The following SLC35D4 variants were observed in gnomAD, a reference collection of about 807,000 sequenced individuals.
SLC35D4 encodes the protein solute carrier family 35 member D4.
chr18:23,419,679 G>A, the SLC35D4 span, among the ~76,000 whole-genome samples: 2 of 152,060 alleles, frequency 1.3e-5, no homozygotes, highest in African/African-American at 4.8e-5. Flanking sequence ...CCTCGTACTA[G>A]AATTTTGGAG....
the SLC35D4 span, among the ~76,000 whole-genome samples, chr18:23,416,494 C>T: frequency 6.6e-6 from 1 of 152,230 alleles, no homozygotes; most frequent in African/African-American, 2.4e-5. Flanking sequence ...AAAACAAAGC[C>T]CAGGAGGAAA....
chr18:23,357,361 T>C, the SLC35D4 span, among the ~76,000 whole-genome samples: 2 of 152,196 alleles, frequency 1.3e-5, no homozygotes, highest in Non-Finnish European at 2.9e-5. Context: ...ATCACACATA[T>C]TGGCTGCTTC....
chr18:23,271,780 A>G, the SLC35D4 span, among the ~76,000 whole-genome samples: 6 of 152,166 alleles, frequency 3.9e-5, no homozygotes, highest in Non-Finnish European at 4.4e-5. Context: ...CCAAATGGCC[A>G]TGGTTTGATC....
the SLC35D4 span, among the ~76,000 whole-genome samples, chr18:23,251,435 A>G: frequency 6.6e-6 from 1 of 152,132 alleles, no homozygotes; most frequent in Non-Finnish European, 1.5e-5. Flanking sequence ...TGGGCAACAG[A>G]GCATGACTCC....
the SLC35D4 span, among the ~76,000 whole-genome samples, chr18:23,357,851 C>A: frequency 6.6e-6 from 1 of 152,152 alleles, no homozygotes. Flanking sequence ...TGTTTAACTA[C>A]AAGGAAGGGA....
chr18:23,270,715 G>A, the SLC35D4 span, among the ~76,000 whole-genome samples: 2 of 152,218 alleles, frequency 1.3e-5, no homozygotes, highest in African/African-American at 4.8e-5. Flanking sequence ...GATTATGTGA[G>A]TAATAATAAA....
the SLC35D4 span, among the ~76,000 whole-genome samples, chr18:23,381,212 T>A: frequency 6.6e-6 from 1 of 152,246 alleles, no homozygotes; most frequent in African/African-American, 2.4e-5. Context: ...ATAGCCTTAA[T>A]AGGGATTCCT....
At chr18:23,321,113 C>A in the SLC35D4 span, among the ~76,000 whole-genome samples, 723 of 152,312 alleles carry the variant, frequency 4.7e-3, 8 homozygotes, top group African/African-American at 0.017. Flanking sequence ...AGCCTACACC[C>A]AGAATCAACA....
the SLC35D4 span, among the ~76,000 whole-genome samples, chr18:23,425,349 C>A: frequency 2.6e-5 from 4 of 152,210 alleles, no homozygotes; most frequent in Non-Finnish European, 5.9e-5. Context: ...GATCCTCCCA[C>A]CTTGGCCTCC....
the SLC35D4 span, among the ~76,000 whole-genome samples, chr18:23,264,898 G>GC: frequency 1.3e-5 from 2 of 151,908 alleles, no homozygotes; most frequent in Non-Finnish European, 2.9e-5. Flanking sequence ...TCCCATCTCA[G>GC]CCACCCAAAT....
At chr18:23,318,560 T>C in the SLC35D4 span, among the ~76,000 whole-genome samples, 3 of 152,228 alleles carry the variant, frequency 2.0e-5, no homozygotes. Context: ...CATATAGATA[T>C]ATCATGGTTT....
chr18:23,323,529 A>G, the SLC35D4 span, among the ~76,000 whole-genome samples: 2 of 152,228 alleles, frequency 1.3e-5, no homozygotes, highest in Non-Finnish European at 2.9e-5. Context: ...GTCTGGTCAC[A>G]CTCAGTTTTA....
chr18:23,260,737 C>T, the SLC35D4 span, among the ~76,000 whole-genome samples: 5 of 152,254 alleles, frequency 3.3e-5, 1 homozygote, highest in South Asian at 8.3e-4. Context: ...CGCGCCCTGA[C>T]GTCACCTCCC....
the SLC35D4 span, among the ~76,000 whole-genome samples, chr18:23,328,787 G>A: frequency 1.5e-4 from 23 of 152,044 alleles, no homozygotes; most frequent in Admixed American, 1.4e-3. Context: ...GAGGCATCAC[G>A]CTACCTGACT....
the SLC35D4 span, among the ~76,000 whole-genome samples, chr18:23,394,193 A>T: frequency 1.3e-5 from 2 of 152,180 alleles, no homozygotes; most frequent in Admixed American, 1.3e-4. Context: ...AAGGGTTCCA[A>T]CTTCTCCACA....
the SLC35D4 span, among the ~76,000 whole-genome samples, chr18:23,254,540 G>T: frequency 2.6e-5 from 4 of 152,212 alleles, no homozygotes; most frequent in African/African-American, 4.8e-5. Flanking sequence ...TTCCCAAGAG[G>T]AGTAGTATCT....
chr18:23,428,680 G>C, the SLC35D4 span, among the ~76,000 whole-genome samples: 1 of 140,066 alleles, frequency 7.1e-6, no homozygotes, highest in Non-Finnish European at 1.6e-5. Context: ...ACCATGCCTA[G>C]CTAATTTTTT....
At chr18:23,354,209 G>C in the SLC35D4 span, among the ~76,000 whole-genome samples, 3 of 152,124 alleles carry the variant, frequency 2.0e-5, no homozygotes, top group Non-Finnish European at 4.4e-5. Context: ...GCTAGACAAA[G>C]AGTGAGATAT....
chr18:23,338,791 G>A, the SLC35D4 span, among the ~76,000 whole-genome samples: 3 of 152,146 alleles, frequency 2.0e-5, no homozygotes, highest in African/African-American at 7.2e-5. Flanking sequence ...CCAGGTTCTA[G>A]GACTTACATG....
Sources: allele counts gnomAD v4.1 joint callset (sites outside exome capture counted in the v4.1 genomes callset), GRCh38; gene constraint gnomAD v4.1.1; transcripts MANE v1.5; gene names NCBI Gene and HGNC (gene_info 2026-07-23, HGNC 2026-07-21).